The following FKRP variants were observed in gnomAD, a reference collection of about 807,000 sequenced individuals.
FKRP encodes the protein fukutin related protein.
In FKRP, 25 loss-of-function variants were observed where a neutral mutation model predicts 30.6. The observed-to-expected ratio is 0.82, with a 90% CI of 0.60 to 1.14. The LOEUF is 1.14. Ranked by LOEUF, FKRP falls within the 50% of genes most tolerant of loss-of-function variation. The pLI is 0.00. For synonymous variants in FKRP, 358 were observed against 342.5 expected (o/e 1.05, Z -0.50); for missense variants, 771 against 727.8 (o/e 1.06, Z -0.68).
chr19:46,755,605 T>TGGTGC lies in FKRP; in HGVS notation c.158_162dup (p.Glu55CysfsTer15), dbSNP rs1290836394. 1.0e-5 allele frequency: 16 copies of TGGTGC among 1,606,114 alleles called. No homozygotes were observed. The highest frequency in any genetic ancestry group is 1.3e-5 in the Non-Finnish European group (15 of 1,177,540). ...GCTGCCGGCCCCCGTGTCACCGTCC[T>TGGTGC]GGTGCGGGAGTTCGAGGCATTTGAC... On this transcript the variant is annotated frameshift_variant, in exon 4 of 4. Coordinates refer to ENST00000318584, the MANE Select transcript of FKRP (RefSeq NM_024301.5). LOFTEE classifies it high-confidence loss of function.
In FKRP at chr19:46,756,795, C is replaced by T. The variant is rs2122635761; in HGVS notation, c.1345C>T (p.Leu449=). The T allele has an allele frequency of 6.2e-7, 1 of 1,600,834 alleles. No homozygotes were observed. The highest frequency in any genetic ancestry group is 8.5e-7 in the Non-Finnish European group (1 of 1,174,284). Residue 449 remains leucine (L), a synonymous_variant, in exon 4 of 4, where the codon CTG becomes TTG. Transcript: ENST00000318584. This position sits in a 1 kb window ranked among gnomAD's most constrained non-coding sequence, Gnocchi z 6.6. ...VEFPEHFLQP[L]VPLPFAGFVA... ...GTTTCCCGAGCACTTCCTGCAGCCG[C>T]TGGTGCCCCTGCCCTTTGCCGGCTT...
rs114491682 is a variant in FKRP, at chr19:46,749,150, G to A, written c.-40+485G>A. Among the ~76,000 whole-genome samples the A allele has an allele frequency of 3.8e-3, 577 of 152,270 alleles. 4 individuals are homozygous for A. Among genetic ancestry groups the A allele is most frequent in the African/African-American group, 0.013 (531 of 41,552 alleles). On this transcript the variant is annotated intron_variant, in intron 3 of 3. Coordinates refer to ENST00000318584, the MANE Select transcript of FKRP (RefSeq NM_024301.5). ...CACAAAGAATACTTGAGTTTGTTGA[G>A]TTACTGAGTTGAATTAATTTATTAA...
chr19:46,756,433 ATG>A lies in FKRP; in HGVS notation c.986_987del (p.Val329GlyfsTer60), dbSNP rs2054926152. On this transcript the variant is annotated frameshift_variant, in exon 4 of 4. Coordinates refer to ENST00000318584, the MANE Select transcript of FKRP (RefSeq NM_024301.5). LOFTEE classifies it high-confidence loss of function. This position sits in a 1 kb window ranked among gnomAD's most constrained non-coding sequence, Gnocchi z 6.6. ...CGCGCGCTGCGCGAGACCGCCCGCT[ATG>A]TGGTGGGCGTGCTGGAGGCTGCGGG... is the stretch of plus-strand genomic sequence containing the variant. 1.9e-6 allele frequency: 3 copies of A among 1,557,874 alleles called. No individual in the cohort carries two copies. The highest frequency in any genetic ancestry group is 2.6e-6 in the Non-Finnish European group (3 of 1,151,422).
In FKRP at chr19:46,757,285, T is replaced by G; in HGVS notation, c.*347T>G. The G allele has an allele frequency of 7.4e-6, 3 of 402,968 alleles. No homozygotes were observed. The highest frequency in any genetic ancestry group is 5.7e-5 in the East Asian group (1 of 17,638). The allele number at this position is 402,968 out of a possible 1,614,324, so 25.0% of individuals were successfully genotyped here. A position where few individuals can be genotyped will look rare whatever the true frequency, so the allele number is the denominator to read the frequency against. ...CCCGAAAAAAGTGTTCTGCCCAAGA[T>G]TCCGAGAGCCCTGCGCTCTAGGGCA... On this transcript the variant is annotated 3_prime_UTR_variant, in exon 4 of 4. Coordinates refer to ENST00000318584, the MANE Select transcript of FKRP (RefSeq NM_024301.5).
At chr19:46,746,501 C>CG (rs914668227) in intron 1 of FKRP, 55 of 851,232 alleles carry the variant, frequency 6.5e-5, no homozygotes, top group Non-Finnish European at 5.2e-5. Context: ...ACACCCCCCC[C>CG]CCTCCCCCGC....
In FKRP at chr19:46,756,018, C is replaced by T. The variant is rs1437770795; in HGVS notation, c.568C>T (p.Arg190Cys). ...ARYGAAPAAP[R>C]CDALDGDAVV... ...CTATGGCGCAGCCCCCGCCGCGCCC[C>T]GCTGCGACGCCCTGGACGGAGATGC... Residue 190 changes from arginine to cysteine, a missense_variant, in exon 4 of 4, where the codon CGC (arginine) becomes TGC (cysteine). By Grantham distance (180) the Arg-to-Cys change is radical. Transcript: ENST00000318584. This position sits in a 1 kb window ranked among gnomAD's most constrained non-coding sequence, Gnocchi z 6.6. 2 of 1,572,630 alleles carry T rather than the reference C, an allele frequency of 1.3e-6. No homozygotes were observed. The highest frequency in any genetic ancestry group is 1.8e-5 in the Admixed American group (1 of 56,640).
At chr19:46,752,524 A>G (rs2122570435) in intron 3 of FKRP, among the ~76,000 whole-genome samples, 1 of 152,274 alleles carries the variant, frequency 6.6e-6, no homozygotes, top group East Asian at 1.9e-4. Context: ...GAAGGATTGA[A>G]GGAAGGAAGA....
intron 3 of FKRP, among the ~76,000 whole-genome samples, chr19:46,750,117 G>C (rs2054761935): frequency 6.6e-6 from 1 of 152,186 alleles, no homozygotes; most frequent in African/African-American, 2.4e-5. Flanking sequence ...TGCTAGAATT[G>C]TTATTATTAT....
Position 46,748,569 on chromosome 19 carries a change from C to G in FKRP, c.-136C>G, listed in dbSNP as rs1476587140. 1 of 152,148 alleles carries G rather than the reference C, an allele frequency of 6.6e-6. No individual in the cohort carries two copies. Among genetic ancestry groups the G allele is most frequent in the Non-Finnish European group, 1.5e-5 (1 of 68,036 alleles). The allele number at this position is 152,148 out of a possible 1,614,324, so 9.4% of individuals were successfully genotyped here. Reference sequence around the variant, plus strand: ...CAACTCAGACCCAGTGAACCCAAGGCCTGAAGAGAATTTGGATTCATTTAC... The same window carrying G: ...CAACTCAGACCCAGTGAACCCAAGGGCTGAAGAGAATTTGGATTCATTTAC... On this transcript the variant is annotated 5_prime_UTR_variant, in exon 3 of 4. Transcript: ENST00000318584.
In FKRP at chr19:46,750,830, A is replaced by C. The variant is rs190216256; in HGVS notation, c.-40+2165A>C. Among the ~76,000 whole-genome samples, 390 of 152,138 alleles carry C rather than the reference A, an allele frequency of 2.6e-3. 3 individuals carry two copies. The highest frequency in any genetic ancestry group is 8.9e-3 in the African/African-American group (369 of 41,532). On this transcript the variant is annotated intron_variant, in intron 3 of 3. Transcript: ENST00000318584. ...AGGAGTGAGCCCCCATACCCAGCCC[A>C]CGTTCCTTATCTTAATAATTCAAGT...
intron 1 of FKRP, chr19:46,746,398 G>GGCGACCGCGGCGGCC: frequency 9.4e-7 from 1 of 1,062,182 alleles, no homozygotes; most frequent in Non-Finnish European, 1.1e-6. Flanking sequence ...AGGCGGCGGC[G>GGCGACCGCGGCGGCC]GCGACCGCGG....
upstream of FKRP, among the ~76,000 whole-genome samples, chr19:46,744,939 C>T (rs537559599): frequency 4.9e-4 from 75 of 152,160 alleles, no homozygotes; most frequent in African/African-American, 1.6e-3. Flanking sequence ...TAGCCCAACT[C>T]CTCAGACTCT....
At chr19:46,746,115 G>C (rs779977307) in intron 1 of FKRP, 25 bp downstream of exon 1, 20 of 1,466,668 alleles carry the variant, frequency 1.4e-5, no homozygotes, top group Middle Eastern at 1.9e-4. Flanking sequence ...GGCCGGGCCG[G>C]GTTGGGGGTC....
chr19:46,751,555 ATTTTTT>A (rs1226341140), intron 3 of FKRP, among the ~76,000 whole-genome samples: 7 of 87,934 alleles, frequency 8.0e-5, no homozygotes, highest in African/African-American at 2.6e-4. Flanking sequence ...ACTTTTTTGT[ATTTTTT>A]TTTTTTTTTT....
rs369599106 is a variant in FKRP, at chr19:46,756,692, C to T, written c.1242C>T (p.His414=). 1 of 1,612,956 alleles carries T rather than the reference C, an allele frequency of 6.2e-7. No individual in the cohort carries two copies. The highest frequency in any genetic ancestry group is 8.5e-7 in the Non-Finnish European group (1 of 1,179,622). Residue 414 remains histidine, a synonymous_variant, in exon 4 of 4, where the codon CAC becomes CAT. Coordinates refer to ENST00000318584, the MANE Select transcript of FKRP (RefSeq NM_024301.5). This position sits in a 1 kb window ranked among gnomAD's most constrained non-coding sequence, Gnocchi z 6.6. ...RVQYSESNHL[H]VDLWPFYPRN... ...AGTACAGCGAAAGCAACCACTTGCA[C>T]GTGGACCTGTGGCCCTTCTACCCCC...
rs2122614420 is a variant in FKRP, at chr19:46,755,840, T to C, written c.390T>C (p.Pro130=). Reference sequence around the variant, plus strand: ...CCACCGAGTTTGTGGCCCTAGTACCTGATGGGGCGCGGGCTGAGGCACCTG... The same window carrying C: ...CCACCGAGTTTGTGGCCCTAGTACCCGATGGGGCGCGGGCTGAGGCACCTG... ...YVATEFVALV[P]DGARAEAPGL... The change falls in exon 4 of 4, where the codon CCT becomes CCC. Residue 130 remains proline, a synonymous_variant. Transcript: ENST00000318584. 6.7e-7 allele frequency: 1 copy of C among 1,498,902 alleles called. No individual in the cohort carries two copies. The highest frequency in any genetic ancestry group is 8.9e-7 in the Non-Finnish European group (1 of 1,126,748). 92.9% of individuals were successfully genotyped at this position (1,498,902 alleles called of 1,614,324 possible).
chr19:46,752,734 G>A (rs956199316), intron 3 of FKRP, among the ~76,000 whole-genome samples: 2 of 152,144 alleles, frequency 1.3e-5, no homozygotes, highest in South Asian at 2.1e-4. Context: ...GCACAGTATT[G>A]CATGCCTGTA....
rs140217866 is a variant in FKRP, at chr19:46,756,586, G to T, written c.1136G>T (p.Arg379Leu). 3 of 1,610,406 alleles carry T rather than the reference G, an allele frequency of 1.9e-6. No individual in the cohort carries two copies. The highest frequency in any genetic ancestry group is 1.3e-5 in the African/African-American group (1 of 75,016). ...LEDVGNCEQL[R>L]GAEAGSVVDE... is the part of the protein sequence containing the mutation. ...GACGTGGGCAACTGCGAGCAGCTGCGGGGGGCAGAGGCCGGCTCGGTGGTG... is the reference window on the plus strand; with the variant it reads ...GACGTGGGCAACTGCGAGCAGCTGCTGGGGGCAGAGGCCGGCTCGGTGGTG... The change falls in exon 4 of 4, where the codon CGG becomes CTG. Residue 379 changes from arginine to leucine, a missense_variant. Arg to Leu is a moderately radical substitution (Grantham distance 102). Transcript: ENST00000318584. The surrounding 1 kb of genome is among the most constrained non-coding windows in gnomAD (Gnocchi z 6.6).
chr19:46,755,728 T>C lies in FKRP; in HGVS notation c.278T>C (p.Leu93Pro), dbSNP rs1273129863. 1.9e-6 allele frequency: 3 copies of C among 1,571,496 alleles called. No individual in the cohort carries two copies. The highest frequency in any genetic ancestry group is 2.6e-6 in the Non-Finnish European group (3 of 1,166,128). The change falls in exon 4 of 4, where the codon CTG (leucine) becomes CCG (proline). Residue 93 changes from leucine (L) to proline (P), a missense_variant. Physicochemically the swap from Leu to Pro is moderately conservative, Grantham distance 98. Transcript: ENST00000318584. ...ACGCTCCCCTACCCGCCCCTGGCCC[T>C]GCCCCGCATCCCCAACGTGCGTCTG... is the stretch of plus-strand genomic sequence containing the variant. ...ADTLPYPPLA[L>P]PRIPNVRLAL...
Sources: gnomAD v4.1 joint callset for allele counts (sites outside exome capture counted in the v4.1 genomes callset) on GRCh38, gnomAD v4.1.1 for gene constraint, Gnocchi (gnomAD v3.1) non-coding constraint, MANE v1.5 for transcripts, NCBI Gene and HGNC (gene_info 2026-07-23, HGNC 2026-07-21) for gene names.